Variants in RNF217 observed in about 807,000 individuals in gnomAD.
The protein encoded by RNF217 is ring finger protein 217, also known as E3 ubiquitin-protein ligase RNF217.
RNF217 carries 31 observed loss-of-function variants against 57.8 expected under a neutral mutation model. The observed-to-expected ratio is 0.54, with a 90% CI of 0.40 to 0.72. RNF217 has a LOEUF of 0.72. RNF217 is among the 30% of genes least tolerant of loss of function. The pLI is 0.00. For synonymous variants in RNF217, 313 were observed against 294.0 expected, an observed-to-expected ratio of 1.06 and a Z score of -0.66; for missense variants, 696 against 708.3, an observed-to-expected ratio of 0.98 and a Z score of 0.20.
rs1788899654 is a variant in RNF217 at position 125,090,334 on chromosome 6, T to C, written c.*7397T>C. Reference sequence around the variant, plus strand: ...ATTTTCTGTAGAAGGAACACAACAGTGATGTTAAAATGTTAACAAAGAACC... The same window carrying C: ...ATTTTCTGTAGAAGGAACACAACAGCGATGTTAAAATGTTAACAAAGAACC... On this transcript the variant is annotated 3_prime_UTR_variant, in exon 6 of 6. Coordinates refer to ENST00000521654, the MANE Select transcript of RNF217 (RefSeq NM_001286398.3). 2 of 152,128 alleles carry C rather than the reference T, an allele frequency of 1.3e-5. No individual in the cohort carries two copies. Among genetic ancestry groups the C allele is most frequent in the African/African-American group, 4.8e-5 (2 of 41,576 alleles). 9.4% of individuals were successfully genotyped at this position (152,128 alleles called of 1,614,324 possible).
intron 1 of RNF217, among the ~76,000 whole-genome samples, chr6:124,990,797 G>A (rs914496378): frequency 6.6e-6 from 1 of 152,116 alleles, no homozygotes; most frequent in Non-Finnish European, 1.5e-5. Context: ...GGGCATGGTG[G>A]CTTACGTCCG....
At chr6:125,056,963 C>T (rs1360223519) in intron 2 of RNF217, among the ~76,000 whole-genome samples, 13 of 152,190 alleles carry the variant, frequency 8.5e-5, no homozygotes, top group Non-Finnish European at 1.9e-4. Flanking sequence ...TCATATACCC[C>T]TCCACATAGT....
At chr6:125,059,165 G>T (rs995854632) in intron 3 of RNF217, among the ~76,000 whole-genome samples, 1 of 152,130 alleles carries the variant, frequency 6.6e-6, no homozygotes, top group Non-Finnish European at 1.5e-5. Flanking sequence ...ATGAAATAAC[G>T]TGTTGCATTT....
At chr6:125,046,363 G>C (rs1222036347) in intron 2 of RNF217, among the ~76,000 whole-genome samples, 1 of 152,082 alleles carries the variant, frequency 6.6e-6, no homozygotes, top group East Asian at 1.9e-4. Flanking sequence ...GGACCAGACA[G>C]AAGTCTGGTT....
intron 1 of RNF217, among the ~76,000 whole-genome samples, chr6:124,972,823 A>T (rs1783811334): frequency 6.6e-6 from 1 of 152,104 alleles, no homozygotes; most frequent in Non-Finnish European, 1.5e-5. Flanking sequence ...TTCTTTGATA[A>T]CCCTCTTTAC....
At chr6:125,020,273 C>A (rs1785787486) in intron 1 of RNF217, among the ~76,000 whole-genome samples, 1 of 152,068 alleles carries the variant, frequency 6.6e-6, no homozygotes, top group African/African-American at 2.4e-5. Context: ...CCTGGTGTTC[C>A]CTAAGATGCC....
At chr6:125,034,568 T>C (rs1412226539) in intron 1 of RNF217, among the ~76,000 whole-genome samples, 4 of 152,144 alleles carry the variant, frequency 2.6e-5, no homozygotes, top group Admixed American at 2.0e-4. Flanking sequence ...TCTGTTTTGG[T>C]ACCAGTACCA....
intron 1 of RNF217, among the ~76,000 whole-genome samples, chr6:125,019,905 A>G (rs1785765957): frequency 6.6e-6 from 1 of 152,062 alleles, no homozygotes; most frequent in Admixed American, 6.5e-5. Context: ...TTTGCCCAAC[A>G]GATTAAAGTT....
chr6:124,997,426 G>C (rs1784796197), intron 1 of RNF217, among the ~76,000 whole-genome samples: 1 of 149,858 alleles, frequency 6.7e-6, no homozygotes, highest in Admixed American at 6.7e-5. Flanking sequence ...ATATGCGAAA[G>C]TGACTGTAAA....
At chr6:125,036,989 A>T (rs919986575) in intron 1 of RNF217, among the ~76,000 whole-genome samples, 3 of 150,834 alleles carry the variant, frequency 2.0e-5, no homozygotes, top group Non-Finnish European at 4.4e-5. Flanking sequence ...GTGGGAGTGT[A>T]AATTAGTTCA....
At chr6:125,026,540 G>A (rs554413760) in intron 1 of RNF217, among the ~76,000 whole-genome samples, 12 of 152,272 alleles carry the variant, frequency 7.9e-5, no homozygotes, top group Non-Finnish European at 1.5e-4. Flanking sequence ...CATTGAGAGC[G>A]TAAACGTGTC....
chr6:124,984,558 A>AAAAG (rs1179139650), intron 1 of RNF217, among the ~76,000 whole-genome samples: 1 of 150,612 alleles, frequency 6.6e-6, no homozygotes. Context: ...AAAAAAAAAA[A>AAAAG]AAAGAAAGAA....
chr6:125,067,810 A>T (rs576094235), intron 3 of RNF217, among the ~76,000 whole-genome samples: 1 of 152,214 alleles, frequency 6.6e-6, no homozygotes, highest in Non-Finnish European at 1.5e-5. Flanking sequence ...AGTTGAAACC[A>T]TTCGAATGTG....
chr6:125,068,314 T>C (rs1160308369), intron 3 of RNF217, among the ~76,000 whole-genome samples: 1 of 152,182 alleles, frequency 6.6e-6, no homozygotes. Context: ...AAATATGCTG[T>C]ATTTAGAATT....
intron 3 of RNF217, among the ~76,000 whole-genome samples, chr6:125,058,382 G>T (rs1311810619): frequency 6.6e-6 from 1 of 152,074 alleles, no homozygotes; most frequent in African/African-American, 2.4e-5. Flanking sequence ...TAAAAATGAG[G>T]ATGTACTTTA....
At chr6:125,043,536 A>G (rs901624475) in intron 1 of RNF217, among the ~76,000 whole-genome samples, 16 of 152,084 alleles carry the variant, frequency 1.1e-4, no homozygotes, top group African/African-American at 3.9e-4. Flanking sequence ...AAATGCCTAC[A>G]GAATATTAAA....
chr6:125,016,828 TA>T (rs1197955896), intron 1 of RNF217, among the ~76,000 whole-genome samples: 1 of 152,014 alleles, frequency 6.6e-6, no homozygotes, highest in Non-Finnish European at 1.5e-5. Flanking sequence ...TAATACCTAA[TA>T]TAGATGATGG....
intron 1 of RNF217, among the ~76,000 whole-genome samples, chr6:125,036,142 G>A (rs754141022): frequency 2.4e-4 from 37 of 151,826 alleles, no homozygotes; most frequent in East Asian, 1.5e-3. Context: ...TGTTCTAATC[G>A]TTCGACTCCC....
At chr6:125,081,004 C>G (rs1197228353) in intron 4 of RNF217, among the ~76,000 whole-genome samples, 1 of 152,020 alleles carries the variant, frequency 6.6e-6, no homozygotes, top group Non-Finnish European at 1.5e-5. Flanking sequence ...GACAGAAGCC[C>G]TCTGTAGGAC....
Sources: allele counts gnomAD v4.1 joint callset (sites outside exome capture counted in the v4.1 genomes callset), GRCh38; gene constraint gnomAD v4.1.1; transcripts MANE v1.5; gene names NCBI Gene and HGNC (gene_info 2026-07-23, HGNC 2026-07-21).